The following ABLIM1 variants were observed in gnomAD, a reference collection of about 807,000 sequenced individuals.
ABLIM1 encodes actin binding LIM protein 1.
Under a neutral mutation model 107.0 loss-of-function variants are expected in ABLIM1, and 40 were observed. The observed-to-expected ratio is 0.37, with a 90% CI of 0.29 to 0.49. The LOEUF is 0.49. ABLIM1 is among the 20% of genes least tolerant of loss of function. ABLIM1 has a pLI of 0.97. For synonymous variants in ABLIM1, 357 were observed against 357.3 expected (o/e 1.00, Z 0.01); for missense variants, 857 against 1,008.5 (o/e 0.85, Z 2.04).
In ABLIM1 at chr10:114,436,327, A is replaced by G. The variant is rs761024197; in HGVS notation, c.2270T>C (p.Ile757Thr). The G allele has an allele frequency of 6.2e-7, 1 of 1,614,016 alleles. No individual in the cohort carries two copies. Among genetic ancestry groups the G allele is most frequent in the Non-Finnish European group, 8.5e-7 (1 of 1,179,982 alleles). ...AAGAGGTAACCTGTCAAACTCCTGTATGGACATTCCAAAGATTTCCCGAAA... is the reference window on the plus strand; with the variant it reads ...AAGAGGTAACCTGTCAAACTCCTGTGTGGACATTCCAAAGATTTCCCGAAA... ...EVFREIFGMS[I>T]QEFDRLPLWR... The change falls in exon 23 of 23, where the codon ATA (isoleucine) becomes ACA (threonine). Residue 757 changes from isoleucine to threonine, a missense_variant. Ile to Thr is a moderately conservative substitution (Grantham distance 89, BLOSUM62 -1). Around this residue, in one of 5 missense-constraint regions of ABLIM1, gnomAD observed 193 missense variants for 208.5 expected, o/e 0.93. Transcript: ENST00000533213.
At chr10:114,754,043 G>A (rs950308247) in intron 1 of ABLIM1, among the ~76,000 whole-genome samples, 4 of 152,048 alleles carry the variant, frequency 2.6e-5, no homozygotes, top group Admixed American at 6.6e-5. Context: ...TAGTAGAGAC[G>A]GCGTTTCACC....
Position 114,720,342 on chromosome 10 carries a change from A to G in ABLIM1, c.-213+47719T>C, listed in dbSNP as rs981304986. On this transcript the variant is annotated intron_variant, in intron 1 of 15. Transcript: ENST00000651092. ...AGTGTTGCTATGAACATACATGTACATGTATCTTTATAACAGAATGATTTA... is the reference window on the plus strand; with the variant it reads ...AGTGTTGCTATGAACATACATGTACGTGTATCTTTATAACAGAATGATTTA... Among the ~76,000 whole-genome samples the G allele has an allele frequency of 2.0e-5, 3 of 152,304 alleles. No homozygotes were observed. In the South Asian group the frequency reaches 6.2e-4, roughly 32 times the overall value.
intron 1 of ABLIM1, among the ~76,000 whole-genome samples, chr10:114,656,625 A>G (rs1057443317): frequency 6.6e-6 from 1 of 152,232 alleles, no homozygotes; most frequent in Non-Finnish European, 1.5e-5. Flanking sequence ...TTGTATATGG[A>G]TATGCATAGA....
intron 1 of ABLIM1, among the ~76,000 whole-genome samples, chr10:114,744,317 C>G (rs1330856925): frequency 6.6e-6 from 1 of 152,176 alleles, no homozygotes; most frequent in Admixed American, 6.5e-5. Flanking sequence ...CTAAACTTTA[C>G]AGCAGTGTTT....
intron 6 of ABLIM1, among the ~76,000 whole-genome samples, chr10:114,494,829 A>G (rs996306268): frequency 2.6e-5 from 4 of 152,142 alleles, no homozygotes; most frequent in Non-Finnish European, 5.9e-5. Context: ...GCAGGTGACA[A>G]TCTCTCTAAT....
At chr10:114,473,572 C>A (rs1590116026) in intron 9 of ABLIM1, among the ~76,000 whole-genome samples, 1 of 149,380 alleles carries the variant, frequency 6.7e-6, no homozygotes, top group South Asian at 2.2e-4. Context: ...CCCCAAATAT[C>A]TATATGCAAT....
chr10:114,565,699 G>C (rs538155885), intron 4 of ABLIM1, among the ~76,000 whole-genome samples: 1 of 151,724 alleles, frequency 6.6e-6, no homozygotes, highest in African/African-American at 2.4e-5. Flanking sequence ...TGTATTAAAG[G>C]CTACTGGACT....
chr10:114,658,115 G>C lies in ABLIM1; in HGVS notation c.86C>G (p.Ala29Gly). The C allele has an allele frequency of 6.2e-7, 1 of 1,614,198 alleles. No homozygotes were observed. The highest frequency in any genetic ancestry group is 8.5e-7 in the Non-Finnish European group (1 of 1,180,022). The change falls in exon 1 of 23, where the codon GCC becomes GGC. Residue 29 changes from alanine (A) to glycine (G), a missense_variant. Coordinates refer to ENST00000533213, the MANE Select transcript of ABLIM1 (RefSeq NM_002313.7). ...CAGTCTCTTTCTGTTCGAGCCCCTG[G>C]CACTGGTTCTCTCAGATGAGGTGAC... The part of the protein sequence containing the change: ...SKVTSSERTS[A>G]RGSNRKRLIV...
At chr10:114,601,677 A>G (rs1190844088) in intron 2 of ABLIM1, 150 bp downstream of exon 2, 1 of 1,313,432 alleles carries the variant, frequency 7.6e-7, no homozygotes, top group East Asian at 2.3e-5. Flanking sequence ...AGTCTAACTG[A>G]ATCCCAAACT....
chr10:114,685,910 T>C (rs2080923470), upstream of ABLIM1, among the ~76,000 whole-genome samples: 1 of 152,196 alleles, frequency 6.6e-6, no homozygotes, highest in African/African-American at 2.4e-5. Flanking sequence ...TGGAGGCTAG[T>C]TTTTCCTACT....
intron 10 of ABLIM1, among the ~76,000 whole-genome samples, chr10:114,468,466 G>C (rs1026290858): frequency 6.6e-6 from 1 of 152,024 alleles, no homozygotes; most frequent in African/African-American, 2.4e-5. Context: ...AGTAGAGATG[G>C]GGTTTCACTG....
chr10:114,499,978 G>A (rs11196766), intron 6 of ABLIM1, among the ~76,000 whole-genome samples: 24,177 of 152,176 alleles, frequency 0.16, 2,667 homozygotes, highest in East Asian at 0.57. Flanking sequence ...GCAGCATCAT[G>A]AACAGGCAGG....
chr10:114,561,423 C>T (rs146175049), intron 4 of ABLIM1, among the ~76,000 whole-genome samples: 16 of 152,250 alleles, frequency 1.1e-4, no homozygotes, highest in East Asian at 3.9e-4. Context: ...TTTTGAAAAA[C>T]GAACATTATT....
intron 1 of ABLIM1, among the ~76,000 whole-genome samples, chr10:114,724,179 T>G (rs1436123554): frequency 6.6e-6 from 1 of 152,212 alleles, no homozygotes; most frequent in Non-Finnish European, 1.5e-5. Context: ...TCATTATTAT[T>G]GTGCAACAGA....
At chr10:114,576,286 G>C (rs1324355298) in intron 2 of ABLIM1, among the ~76,000 whole-genome samples, 1 of 152,164 alleles carries the variant, frequency 6.6e-6, no homozygotes, top group African/African-American at 2.4e-5. Context: ...GTGGGAGCTT[G>C]GGCCTGGTCT....
the ABLIM1 span, among the ~76,000 whole-genome samples, chr10:114,781,216 A>T: frequency 6.6e-6 from 1 of 152,176 alleles, no homozygotes; most frequent in Non-Finnish European, 1.5e-5. Flanking sequence ...TTAAAAAAAT[A>T]TAATGGGCCG....
intron 14 of ABLIM1, 137 bp downstream of exon 14, chr10:114,451,487 A>T (rs2145895): frequency 1.2e-6 from 1 of 815,232 alleles, no homozygotes; most frequent in South Asian, 1.4e-5. Context: ...ATCTTAGTAG[A>T]CCAGAAAGGC....
intron 1 of ABLIM1, among the ~76,000 whole-genome samples, chr10:114,755,998 A>G (rs1157411862): frequency 6.6e-6 from 1 of 152,070 alleles, no homozygotes; most frequent in African/African-American, 2.4e-5. Flanking sequence ...TTCACTTATT[A>G]TACTTAATTA....
At chr10:114,708,437 G>C (rs1171017765) in intron 1 of ABLIM1, among the ~76,000 whole-genome samples, 3 of 152,236 alleles carry the variant, frequency 2.0e-5, no homozygotes, top group South Asian at 2.1e-4. Context: ...TGGAGGAAGG[G>C]ACAGGGACCC....
Sources: allele counts gnomAD v4.1 joint callset (sites outside exome capture counted in the v4.1 genomes callset), GRCh38; gene constraint gnomAD v4.1.1; regional missense constraint gnomAD v4.1.1; transcripts MANE v1.5; gene names NCBI Gene and HGNC (gene_info 2026-07-23, HGNC 2026-07-21).